The following NLRP14 variants were observed in gnomAD, a reference collection of about 807,000 sequenced individuals.
The protein encoded by NLRP14 is NACHT, LRR and PYD domains-containing protein 14.
A neutral mutation model predicts 94.7 loss-of-function variants in NLRP14; 105 were observed. The observed-to-expected ratio is 1.11, with a 90% CI of 0.95 to 1.30. NLRP14 has a LOEUF of 1.30. Ranked by LOEUF, NLRP14 falls within the 50% of genes most tolerant of loss-of-function variation. The pLI is 0.00. For synonymous variants in NLRP14, 508 were observed against 459.9 expected (o/e 1.10, Z -1.34); for missense variants, 1,362 against 1,254.1 (o/e 1.09, Z -1.30).
chr11:7,073,421 G>A (rs879462), downstream of NLRP14, among the ~76,000 whole-genome samples: 83,240 of 151,992 alleles, frequency 0.55, 24,056 homozygotes, highest in East Asian at 0.78. Context: ...AAATGTGTGG[G>A]TTTTTACCAC....
At chr11:7,037,097 G>A (rs1852172561) in intron 1 of NLRP14, among the ~76,000 whole-genome samples, 1 of 152,192 alleles carries the variant, frequency 6.6e-6, no homozygotes, top group African/African-American at 2.4e-5. Flanking sequence ...AGCGGAAGAT[G>A]TATTCTGTGC....
At chr11:7,031,486 C>T (rs1852094417) in intron 1 of NLRP14, among the ~76,000 whole-genome samples, 1 of 152,298 alleles carries the variant, frequency 6.6e-6, no homozygotes, top group Admixed American at 6.5e-5. Flanking sequence ...GGCTGGAGAC[C>T]TAGTGTGGCC....
At chr11:7,081,040 G>A in the NLRP14 span, among the ~76,000 whole-genome samples, 8 of 152,200 alleles carry the variant, frequency 5.3e-5, no homozygotes, top group East Asian at 1.4e-3. Flanking sequence ...GTTATCTCGA[G>A]GCTGGCATCT....
the NLRP14 span, among the ~76,000 whole-genome samples, chr11:7,077,092 A>G: frequency 6.6e-6 from 1 of 152,208 alleles, no homozygotes; most frequent in South Asian, 2.1e-4. Flanking sequence ...CCGGGATTCT[A>G]TCCCAGGGTG....
intron 9 of NLRP14, among the ~76,000 whole-genome samples, chr11:7,061,178 G>A (rs1852614569): frequency 6.6e-6 from 1 of 151,978 alleles, no homozygotes; most frequent in African/African-American, 2.4e-5. Context: ...ATAATTTAAT[G>A]TGACACCTAT....
the NLRP14 span, among the ~76,000 whole-genome samples, chr11:7,077,623 C>A: frequency 1.3e-5 from 2 of 152,236 alleles, no homozygotes; most frequent in Non-Finnish European, 2.9e-5. Context: ...AATGGACTTA[C>A]AGTTCCATGT....
At chr11:7,062,034 T>G (rs951259814) in intron 9 of NLRP14, among the ~76,000 whole-genome samples, 3 of 152,042 alleles carry the variant, frequency 2.0e-5, no homozygotes, top group Non-Finnish European at 4.4e-5. Context: ...TATTAGTTCC[T>G]TGGGAAAGTT....
chr11:7,089,709 G>T, the NLRP14 span: 1 of 1,524,498 alleles, frequency 6.6e-7, no homozygotes, highest in Non-Finnish European at 8.8e-7. Context: ...ACCGCGCCGG[G>T]AGCCGCTGCC....
chr11:7,033,716 T>G (rs975153341), intron 1 of NLRP14, among the ~76,000 whole-genome samples: 5 of 152,246 alleles, frequency 3.3e-5, no homozygotes, highest in Non-Finnish European at 4.4e-5. Context: ...CAAGAGGTTT[T>G]AATTTCAGCA....
chr11:7,071,374 A>T lies in NLRP14; in HGVS notation c.*66A>T. On this transcript the variant is annotated 3_prime_UTR_variant, in exon 12 of 12. Coordinates refer to ENST00000299481, the MANE Select transcript of NLRP14 (RefSeq NM_176822.4). ...TACATACATACATAGATATATACCC[A>T]GACTTGGGTGCTTAGCTTCAGATAC... 7.3e-7 allele frequency: 1 copy of T among 1,375,756 alleles called. No homozygotes were observed. Among genetic ancestry groups the T allele is most frequent in the African/African-American group, 1.4e-5 (1 of 69,016 alleles). The allele number at this position is 1,375,756 out of a possible 1,614,324, so 85.2% of individuals were successfully genotyped here.
Position 7,057,711 on chromosome 11 carries a change from C to T in NLRP14, c.2326C>T (p.Leu776=), listed in dbSNP as rs781478834. The T allele has an allele frequency of 3.1e-6, 5 of 1,612,592 alleles. No individual in the cohort carries two copies. Among genetic ancestry groups the T allele is most frequent in the Non-Finnish European group, 4.2e-6 (5 of 1,178,916 alleles). ...ESCNLTVFCC[L]NISNALIRSQ... is the part of the protein sequence containing the mutation. ...TTGCAACCTAACTGTATTTTGTTGT[C>T]TAAATATATCTAATGCTCTCATCAG... The change falls in exon 7 of 12, where the codon CTA becomes TTA. Residue 776 remains leucine, a synonymous_variant. Transcript: ENST00000299481.
At chr11:7,031,823 C>T (rs1280364117) in intron 1 of NLRP14, among the ~76,000 whole-genome samples, 1 of 152,200 alleles carries the variant, frequency 6.6e-6, no homozygotes, top group African/African-American at 2.4e-5. Flanking sequence ...GCTGCTCTCA[C>T]TGGTGCTCCA....
rs1307642550 is a variant in NLRP14 at position 7,043,538 on chromosome 11, C to T, written c.1512C>T (p.Ser504=). 3 of 1,614,074 alleles carry T rather than the reference C, an allele frequency of 1.9e-6. No homozygotes were observed. The highest frequency in any genetic ancestry group is 1.7e-6 in the Non-Finnish European group (2 of 1,180,026). ...LKGSWEAGNP[S]CQPFEDLKSL... Reference sequence around the variant, plus strand: ...GCAGTTGGGAAGCTGGGAACCCTTCCTGCCAGCCTTTTGAAGATTTGAAGT... The same window carrying T: ...GCAGTTGGGAAGCTGGGAACCCTTCTTGCCAGCCTTTTGAAGATTTGAAGT... Residue 504 remains serine (S), a synonymous_variant, in exon 4 of 12, where the codon TCC becomes TCT. Transcript: ENST00000299481.
At chr11:7,035,758 GC>G (rs1378660759) in intron 1 of NLRP14, among the ~76,000 whole-genome samples, 1 of 152,018 alleles carries the variant, frequency 6.6e-6, no homozygotes, top group African/African-American at 2.4e-5. Context: ...AACTACTCTG[GC>G]CCAGATGATA....
intron 3 of NLRP14, among the ~76,000 whole-genome samples, chr11:7,040,979 A>G (rs1852240184): frequency 6.6e-6 from 1 of 152,200 alleles, no homozygotes; most frequent in African/African-American, 2.4e-5. Context: ...TCAAATTATT[A>G]TTTGAAAATT....
At chr11:7,089,721 C>A in the NLRP14 span, 12 of 1,529,984 alleles carry the variant, frequency 7.8e-6, 1 homozygote, top group Admixed American at 1.2e-4. Flanking sequence ...GCCGCTGCCC[C>A]CGCGCCGCGA....
chr11:7,089,183 G>A, the NLRP14 span: 1 of 1,613,976 alleles, frequency 6.2e-7, no homozygotes, highest in Non-Finnish European at 8.5e-7. Context: ...AAACCGACGA[G>A]AAAGCCCTCG....
the NLRP14 span, chr11:7,090,680 C>T: frequency 9.4e-6 from 3 of 318,868 alleles, no homozygotes; most frequent in South Asian, 6.5e-5. Context: ...ACGGATCATT[C>T]TGCTCATTTA....
the NLRP14 span, chr11:7,090,449 C>A: frequency 9.4e-7 from 1 of 1,064,282 alleles, no homozygotes; most frequent in Non-Finnish European, 1.4e-6. Flanking sequence ...CATTTTTATG[C>A]TTTTGGGAGA....
Sources: allele counts gnomAD v4.1 joint callset (sites outside exome capture counted in the v4.1 genomes callset), GRCh38; gene constraint gnomAD v4.1.1; transcripts MANE v1.5; gene names NCBI Gene and HGNC (gene_info 2026-07-23, HGNC 2026-07-21).